NIBAN3: variants seen among roughly 807,000 people sequenced by gnomAD.
The protein encoded by NIBAN3 is protein Niban 3.
In NIBAN3, 66 loss-of-function variants were observed where a neutral mutation model predicts 76.4. The observed-to-expected ratio is 0.86, with a 90% CI of 0.71 to 1.06. The LOEUF (loss-of-function observed/expected upper bound fraction) is 1.06. Among genes scored for constraint, NIBAN3 ranks in the 50% least tolerant of loss-of-function variants. The pLI is 0.00. For missense variants in NIBAN3, 808 were observed against 810.7 expected (o/e 1.00, Z 0.04); for synonymous variants, 360 against 355.2 (o/e 1.01, Z -0.15).
At chr19:17,531,368 CACACAA>C (rs1264994302) in intron 2 of NIBAN3, among the ~76,000 whole-genome samples, 1 of 142,122 alleles carries the variant, frequency 7.0e-6, no homozygotes, top group African/African-American at 2.8e-5. Context: ...CACACACACA[CACACAA>C]CCATTCACTG....
chr19:17,548,287 C>T (rs966004021), intron 13 of NIBAN3, among the ~76,000 whole-genome samples: 12 of 152,148 alleles, frequency 7.9e-5, no homozygotes, highest in South Asian at 2.1e-4. Flanking sequence ...CTGGAAGATG[C>T]GCAAGGCCTT....
chr19:17,546,838 C>T (rs753853526), intron 13 of NIBAN3, 41 bp downstream of exon 13: 3 of 1,558,268 alleles, frequency 1.9e-6, no homozygotes, highest in Non-Finnish European at 1.7e-6. Context: ...GCCTGGCGTC[C>T]CTTGGCTGTA....
intron 4 of NIBAN3, among the ~76,000 whole-genome samples, chr19:17,534,317 C>T (rs1345791071): frequency 6.6e-6 from 1 of 152,100 alleles, no homozygotes; most frequent in Admixed American, 6.5e-5. Context: ...GAGTTCGAGA[C>T]TAGCCTGGCC....
intron 5 of NIBAN3, 70 bp from the exon 6 acceptor site, chr19:17,539,080 C>A: frequency 1.4e-6 from 2 of 1,380,888 alleles, no homozygotes; most frequent in Non-Finnish European, 2.0e-6. Flanking sequence ...AGGCGGAGGG[C>A]TTCCTCCCCG....
rs1049325695 is a variant in NIBAN3 at position 17,542,592 on chromosome 19, C to T, written c.1329+298C>T. ...GGAGGAATGGCGTTGCCACCAGTCCCGAGTGAATAGTGTTGAGAGTGCTTG... is the reference window on the plus strand; with the variant it reads ...GGAGGAATGGCGTTGCCACCAGTCCTGAGTGAATAGTGTTGAGAGTGCTTG... On this transcript the variant is annotated intron_variant, in intron 10 of 14. Transcript: ENST00000599164. This position sits in a 1 kb window ranked among gnomAD's most constrained non-coding sequence, Gnocchi z 4.8. Among the ~76,000 whole-genome samples the T allele has an allele frequency of 8.5e-5, 13 of 152,118 alleles. No homozygotes were observed. Among genetic ancestry groups the T allele is most frequent in the Admixed American group, 2.6e-4 (4 of 15,254 alleles).
intron 1 of NIBAN3, among the ~76,000 whole-genome samples, chr19:17,529,523 G>C (rs899342786): frequency 6.6e-6 from 1 of 152,216 alleles, no homozygotes; most frequent in Non-Finnish European, 1.5e-5. Flanking sequence ...TAGGGCAACA[G>C]CTCAAAGAGC....
chr19:17,541,828 T>G (rs1416680740), intron 9 of NIBAN3, among the ~76,000 whole-genome samples: 1 of 151,888 alleles, frequency 6.6e-6, no homozygotes, highest in Non-Finnish European at 1.5e-5. Flanking sequence ...GGAGTACAGG[T>G]GTGTGCCACT....
In NIBAN3 at chr19:17,551,915, A is replaced by G. The variant is rs761182006; in HGVS notation, c.*17A>G. On this transcript the variant is annotated 3_prime_UTR_variant, in exon 15 of 15. Transcript: ENST00000599164. ...CGGAGCTGAATCTTCACCCACATCT[A>G]TCTTGTTTCTATTGGATAAATGTCT... 25 of 769,958 alleles carry G rather than the reference A, an allele frequency of 3.2e-5. No homozygotes were observed. The highest frequency in any genetic ancestry group is 3.0e-4 in the South Asian group (22 of 74,138). 47.7% of individuals were successfully genotyped at this position (769,958 alleles called of 1,614,324 possible). A position where few individuals can be genotyped will look rare whatever the true frequency, so the allele number is the denominator to read the frequency against.
upstream of NIBAN3, among the ~76,000 whole-genome samples, chr19:17,523,618 G>A (rs1374738283): frequency 6.6e-6 from 1 of 152,186 alleles, no homozygotes; most frequent in Non-Finnish European, 1.5e-5. Flanking sequence ...GCCTGGGGCT[G>A]TCACCATCTC....
At chr19:17,527,534 A>G in intron 1 of NIBAN3, 139 bp downstream of exon 1, 1 of 911,318 alleles carries the variant, frequency 1.1e-6, no homozygotes, top group Non-Finnish European at 1.6e-6. Context: ...TTCTTAATGT[A>G]AATTTCACGC....
rs569934561 is a variant in NIBAN3, at chr19:17,533,787, C to T, written c.427+86C>T. Reference sequence around the variant, plus strand: ...GCCAGATCATTCTCTGCGGTGGGGGCGTCCCGTGTACAGCAGGGCAGTAAG... The same window carrying T: ...GCCAGATCATTCTCTGCGGTGGGGGTGTCCCGTGTACAGCAGGGCAGTAAG... On this transcript the variant is annotated intron_variant, in intron 4 of 14. Transcript: ENST00000599164. 1.5e-3 allele frequency: 1,516 copies of T among 1,010,640 alleles called. 2 individuals are homozygous for T. The highest frequency in any genetic ancestry group is 1.9e-3 in the Non-Finnish European group (1,237 of 649,344). The allele number at this position is 1,010,640 out of a possible 1,614,324, so 62.6% of individuals were successfully genotyped here.
chr19:17,545,113 T>C (rs1427543615), intron 12 of NIBAN3: 2 of 152,218 alleles, frequency 1.3e-5, no homozygotes, highest in African/African-American at 4.8e-5. Context: ...CAGCGAGCCA[T>C]GACTGCACCC....
At chr19:17,538,746 GAGAA>G (rs112330347) in intron 5 of NIBAN3, among the ~76,000 whole-genome samples, 45,146 of 148,806 alleles carry the variant, frequency 0.3, 7,359 homozygotes, top group Admixed American at 0.42. Flanking sequence ...AAGAAAGAAA[GAGAA>G]AGAAAGAAAG....
At chr19:17,525,312 GCCCT>G (rs1568437208), upstream of NIBAN3, among the ~76,000 whole-genome samples, 1 of 150,346 alleles carries the variant, frequency 6.7e-6, no homozygotes, top group Non-Finnish European at 1.5e-5. Context: ...TAGACTGCAT[GCCCT>G]CCCTCCCTCC....
At chr19:17,540,237 C>T in intron 8 of NIBAN3, 155 bp from the exon 9 acceptor site, 1 of 511,296 alleles carries the variant, frequency 2.0e-6, no homozygotes, top group Non-Finnish European at 3.3e-6. Context: ...CCTGACTGGG[C>T]CCGCCCCTCC....
upstream of NIBAN3, among the ~76,000 whole-genome samples, chr19:17,525,466 C>G (rs2075596258): frequency 6.6e-6 from 1 of 152,180 alleles, no homozygotes; most frequent in Non-Finnish European, 1.5e-5. Context: ...ACTAACCAAA[C>G]CAGGTCAAAT....
Position 17,553,157 on chromosome 19 carries a change from C to A in NIBAN3, c.*1259C>A. 3 of 1,087,926 alleles carry A rather than the reference C, an allele frequency of 2.8e-6. No individual in the cohort carries two copies. The highest frequency in any genetic ancestry group is 3.8e-6 in the Non-Finnish European group (3 of 784,522). 67.4% of individuals were successfully genotyped at this position (1,087,926 alleles called of 1,614,324 possible). ...TTTTAATTTCAGTGAATTGCCTGTT[C>A]ATAGCTTTTTTCTACTTTTCAGGAG... On this transcript the variant is annotated 3_prime_UTR_variant, in exon 15 of 15. Transcript: ENST00000599164.
chr19:17,526,907 A>G (rs560981673), upstream of NIBAN3, among the ~76,000 whole-genome samples: 210 of 152,062 alleles, frequency 1.4e-3, no homozygotes, highest in Non-Finnish European at 2.5e-3. Context: ...CCAGGGCTGT[A>G]TCCTCTCTGG....
chr19:17,541,214 AATACATACATACATATATACATAC>A (rs909867237), intron 9 of NIBAN3, among the ~76,000 whole-genome samples: 5 of 145,280 alleles, frequency 3.4e-5, no homozygotes, highest in Admixed American at 7.1e-5. Context: ...TAGCACCTAA[AATACATACATACATATATACATAC>A]ATACATACAT....
Sources: gnomAD v4.1 joint callset for allele counts (sites outside exome capture counted in the v4.1 genomes callset) on GRCh38, gnomAD v4.1.1 for gene constraint, Gnocchi (gnomAD v3.1) non-coding constraint, MANE v1.5 for transcripts, NCBI Gene and HGNC (gene_info 2026-07-23, HGNC 2026-07-21) for gene names.